Variants in NAA35 observed in about 807,000 individuals in gnomAD.
The protein encoded by NAA35 is MAK10 homolog, amino-acid N-acetyltransferase subunit.
A neutral mutation model predicts 101.7 loss-of-function variants in NAA35; 18 were observed. That is an observed-to-expected ratio of 0.18 (90% CI 0.12 to 0.26). The LOEUF (loss-of-function observed/expected upper bound fraction) is 0.26, where lower values mean the gene tolerates loss of function less well. Among genes scored for constraint, NAA35 ranks in the 10% least tolerant of loss-of-function variants. NAA35 has a pLI of 1.00. For missense variants in NAA35, 601 were observed against 886.8 expected (o/e 0.68, Z 4.09); for synonymous variants, 267 against 273.1 (o/e 0.98, Z 0.22).
Position 86,000,119 on chromosome 9 carries a change from T to C in NAA35, c.1057-3466T>C, listed in dbSNP as rs117948610. ...GTGTAACATGAAGGGATGTTAAATT[T>C]TATCAGAAGGCTTTTCTGCATCTAT... On this transcript the variant is annotated intron_variant, in intron 12 of 22. Coordinates refer to ENST00000361671, the MANE Select transcript of NAA35 (RefSeq NM_024635.4). Among the ~76,000 whole-genome samples the C allele has an allele frequency of 6.6e-3, 1,004 of 152,294 alleles. 6 individuals are homozygous for C. The highest frequency in any genetic ancestry group is 0.01 in the Non-Finnish European group (688 of 68,028).
In NAA35 at chr9:85,996,430, T is replaced by C; in HGVS notation, c.909T>C (p.Leu303=). ...DHPIMMGFEP[L]VNQRLLPPTF... Reference sequence around the variant, plus strand: ...CAATTATGATGGGTTTTGAACCCCTTGTGAACCAGAGGCTACTTCCACCTA... The same window carrying C: ...CAATTATGATGGGTTTTGAACCCCTCGTGAACCAGAGGCTACTTCCACCTA... Residue 303 remains leucine, a synonymous_variant, in exon 12 of 23, where the codon CTT becomes CTC. Coordinates refer to ENST00000361671, the MANE Select transcript of NAA35 (RefSeq NM_024635.4). 4 of 1,605,226 alleles carry C rather than the reference T, an allele frequency of 2.5e-6. No individual in the cohort carries two copies. Among genetic ancestry groups the C allele is most frequent in the Non-Finnish European group, 3.4e-6 (4 of 1,177,752 alleles).
At chr9:86,000,909 G>C (rs997937471) in intron 12 of NAA35, among the ~76,000 whole-genome samples, 6 of 151,830 alleles carry the variant, frequency 4.0e-5, no homozygotes, top group African/African-American at 1.5e-4. Flanking sequence ...TCTGATTTTT[G>C]TTAGTCCTTG....
intron 11 of NAA35, among the ~76,000 whole-genome samples, chr9:85,992,948 A>G (rs1403629690): frequency 6.6e-6 from 1 of 152,214 alleles, no homozygotes; most frequent in African/African-American, 2.4e-5. Flanking sequence ...GATTGTTTCA[A>G]AAGAAAAAAG....
intron 6 of NAA35, among the ~76,000 whole-genome samples, chr9:85,963,948 A>G (rs1212012493): frequency 2.6e-5 from 4 of 152,226 alleles, no homozygotes; most frequent in Non-Finnish European, 5.9e-5. Flanking sequence ...TGGCCTTTAA[A>G]TGTAAGGTGC....
intron 11 of NAA35, among the ~76,000 whole-genome samples, chr9:85,979,818 CTAAT>C: frequency 6.6e-6 from 1 of 152,310 alleles, no homozygotes; most frequent in African/African-American, 2.4e-5. Context: ...TGGATGCCCT[CTAAT>C]TAAACTCCCA....
intron 2 of NAA35, among the ~76,000 whole-genome samples, chr9:85,950,872 C>A (rs923947550): frequency 2.0e-5 from 3 of 152,114 alleles, no homozygotes; most frequent in Admixed American, 6.6e-5. Context: ...CACGGTGGCT[C>A]ACGCCTGTAA....
At position 85,941,277 on chromosome 9, in the gene NAA35, G is replaced by A; in HGVS notation, c.-6+4G>A. The A allele has an allele frequency of 5.1e-6, 5 of 985,660 alleles. No homozygotes were observed. Among genetic ancestry groups the A allele is most frequent in the Non-Finnish European group, 6.0e-6 (5 of 830,088 alleles). The allele number at this position is 985,660 out of a possible 1,614,324, so 61.1% of individuals were successfully genotyped here. A position where few individuals can be genotyped will look rare whatever the true frequency, so the allele number is the denominator to read the frequency against. On this transcript the variant is annotated splice_donor_region_variant and intron_variant, in intron 1 of 22. Transcript: ENST00000361671. ...CGGGTGACCACGGGAGAAGTAGGTA[G>A]GGACCGCCCCTGCGTAGCCATTGAA... is the stretch of plus-strand genomic sequence containing the variant.
chr9:85,964,234 A>G (rs1383115329), intron 6 of NAA35, among the ~76,000 whole-genome samples: 1 of 151,750 alleles, frequency 6.6e-6, no homozygotes, highest in Non-Finnish European at 1.5e-5. Context: ...AGATTCAGCT[A>G]CTATTAACAT....
intron 2 of NAA35, among the ~76,000 whole-genome samples, chr9:85,950,626 T>G (rs1229692686): frequency 6.6e-6 from 1 of 152,178 alleles, no homozygotes; most frequent in East Asian, 1.9e-4. Flanking sequence ...CGAGAGTGTT[T>G]GACTTGCTTC....
At chr9:85,961,981 C>T in intron 5 of NAA35, 32 bp from the exon 6 acceptor site, 3 of 1,563,702 alleles carry the variant, frequency 1.9e-6, no homozygotes, top group Middle Eastern at 1.7e-4. Flanking sequence ...CAGTTTATCA[C>T]CTTAAATATA....
At chr9:85,988,280 C>T (rs977861191) in intron 11 of NAA35, among the ~76,000 whole-genome samples, 1 of 152,178 alleles carries the variant, frequency 6.6e-6, no homozygotes, top group Non-Finnish European at 1.5e-5. Context: ...ATGAAAAACA[C>T]TGCTCAGAAA....
chr9:85,984,447 ACTT>A (rs1282090432), intron 11 of NAA35, among the ~76,000 whole-genome samples: 1 of 152,246 alleles, frequency 6.6e-6, no homozygotes, highest in Non-Finnish European at 1.5e-5. Context: ...ATGAAAATTG[ACTT>A]GTGTTGAGGT....
At chr9:85,941,816 G>A (rs928834284) in intron 1 of NAA35, 2 of 1,023,766 alleles carry the variant, frequency 2.0e-6, no homozygotes, top group African/African-American at 3.4e-5. Flanking sequence ...TAGTGCCTTG[G>A]TCTTTTGTGG....
At chr9:86,009,350 G>GTT (rs2118391856) in intron 14 of NAA35, among the ~76,000 whole-genome samples, 1 of 152,204 alleles carries the variant, frequency 6.6e-6, no homozygotes, top group African/African-American at 2.4e-5. Context: ...GTGTGACCTT[G>GTT]ACTCTGTTAA....
chr9:85,958,297 A>G (rs1829362528), intron 3 of NAA35, among the ~76,000 whole-genome samples, 175 bp from the exon 4 acceptor site: 1 of 152,206 alleles, frequency 6.6e-6, no homozygotes, highest in Non-Finnish European at 1.5e-5. Flanking sequence ...AAGTACATGA[A>G]ATAATTTCTG....
At chr9:85,988,982 A>G (rs150860308) in intron 11 of NAA35, among the ~76,000 whole-genome samples, 6 of 152,372 alleles carry the variant, frequency 3.9e-5, no homozygotes, top group Non-Finnish European at 8.8e-5. Context: ...CATTTCTAGA[A>G]GAAACTAGAA....
At chr9:85,994,058 T>C (rs988881410) in intron 11 of NAA35, among the ~76,000 whole-genome samples, 1 of 152,120 alleles carries the variant, frequency 6.6e-6, no homozygotes, top group African/African-American at 2.4e-5. Context: ...ATTTGTATGA[T>C]ATTACATCCT....
At chr9:85,985,753 T>A (rs180676802) in intron 11 of NAA35, among the ~76,000 whole-genome samples, 50 of 152,356 alleles carry the variant, frequency 3.3e-4, no homozygotes, top group Admixed American at 9.2e-4. Context: ...GTTAATTATA[T>A]CTCATTAGAA....
chr9:85,968,314 C>T (rs751242714), intron 6 of NAA35, among the ~76,000 whole-genome samples: 2 of 152,160 alleles, frequency 1.3e-5, no homozygotes, highest in African/African-American at 2.4e-5. Flanking sequence ...GGGTTCACGC[C>T]ATTCTCCTGC....
Sources: gnomAD v4.1 joint callset for allele counts (sites outside exome capture counted in the v4.1 genomes callset) on GRCh38, gnomAD v4.1.1 for gene constraint, MANE v1.5 for transcripts, NCBI Gene and HGNC (gene_info 2026-07-23, HGNC 2026-07-21) for gene names.